CNTLN: variants seen among roughly 807,000 people sequenced by gnomAD.
CNTLN encodes centlein, centrosomal protein.
Under a neutral mutation model 180.0 loss-of-function variants are expected in CNTLN, and 212 were observed. That is an observed-to-expected ratio of 1.18 (90% CI 1.05 to 1.32). The LOEUF (loss-of-function observed/expected upper bound fraction) is 1.32, where lower values mean the gene tolerates loss of function less well. Among genes scored for constraint, CNTLN ranks in the 40% most tolerant of loss-of-function variants. The probability of loss-of-function intolerance (pLI) is 0.00; values close to 1 mark genes in which losing one functional copy is unlikely to be tolerated. For synonymous variants in CNTLN, 722 were observed against 563.1 expected (o/e 1.28, Z -3.99); for missense variants, 2,095 against 1,610.9 (o/e 1.30, Z -5.14).
At chr9:17,493,495 T>A (rs548627546) in intron 25 of CNTLN, among the ~76,000 whole-genome samples, 1 of 152,300 alleles carries the variant, frequency 6.6e-6, no homozygotes, top group African/African-American at 2.4e-5. Flanking sequence ...CAGTAAATTG[T>A]GCCCTAAAAA....
intron 7 of CNTLN, chr9:17,298,902 G>T: frequency 1.0e-6 from 1 of 985,190 alleles, no homozygotes; most frequent in Non-Finnish European, 1.2e-6. Flanking sequence ...AAGTATTTAG[G>T]TGTGCTAACT....
chr9:17,506,624 C>G (rs1429014035), downstream of CNTLN, among the ~76,000 whole-genome samples: 1 of 152,010 alleles, frequency 6.6e-6, no homozygotes, highest in Non-Finnish European at 1.5e-5. Context: ...AGGATTCTTC[C>G]CAGTAGCAAA....
chr9:17,210,877 C>T (rs1350034715), intron 2 of CNTLN, among the ~76,000 whole-genome samples: 1 of 152,050 alleles, frequency 6.6e-6, no homozygotes, highest in Admixed American at 6.5e-5. Context: ...CTGTTCATAT[C>T]CTTTGCCCAC....
intron 5 of CNTLN, among the ~76,000 whole-genome samples, chr9:17,237,936 GT>G (rs756048034): frequency 6.6e-6 from 1 of 152,062 alleles, no homozygotes; most frequent in Non-Finnish European, 1.5e-5. Flanking sequence ...TTTTATATCA[GT>G]TTCTGCTTCT....
At chr9:17,163,844 A>G (rs1819856755) in intron 2 of CNTLN, among the ~76,000 whole-genome samples, 1 of 151,958 alleles carries the variant, frequency 6.6e-6, no homozygotes. Flanking sequence ...CCTGGCCAAC[A>G]CAGTGAAACC....
intron 2 of CNTLN, among the ~76,000 whole-genome samples, chr9:17,150,309 T>C (rs1213653926): frequency 6.6e-6 from 1 of 152,208 alleles, no homozygotes; most frequent in African/African-American, 2.4e-5. Flanking sequence ...CTTTGATCCA[T>C]CTTGAGTTTA....
At chr9:17,162,904 T>G (rs16935382) in intron 2 of CNTLN, among the ~76,000 whole-genome samples, 2,892 of 152,296 alleles carry the variant, frequency 0.019, 59 homozygotes, top group African/African-American at 0.05. Context: ...AACTGTATTT[T>G]TAGGCAGACT....
At chr9:17,412,882 C>G (rs1039810517) in intron 16 of CNTLN, among the ~76,000 whole-genome samples, 2 of 151,896 alleles carry the variant, frequency 1.3e-5, no homozygotes, top group Non-Finnish European at 2.9e-5. Context: ...CAAAATAGAC[C>G]TAAAACAAAA....
At chr9:17,465,792 T>C (rs1831711786) in intron 21 of CNTLN, among the ~76,000 whole-genome samples, 189 bp from the exon 22 acceptor site, 1 of 151,306 alleles carries the variant, frequency 6.6e-6, no homozygotes, top group African/African-American at 2.4e-5. Context: ...TTAGTTTTTG[T>C]TACTGATTTA....
At chr9:17,501,906 C>T (rs7041729) in intron 25 of CNTLN, among the ~76,000 whole-genome samples, 6,128 of 152,198 alleles carry the variant, frequency 0.04, 383 homozygotes, top group African/African-American at 0.14. Context: ...CTACAGGCAA[C>T]TCAGTGAAGC....
At chr9:17,138,409 AG>A (rs1416883116) in intron 1 of CNTLN, among the ~76,000 whole-genome samples, 1 of 152,208 alleles carries the variant, frequency 6.6e-6, no homozygotes, top group African/African-American at 2.4e-5. Context: ...TCATCATTAA[AG>A]CTCATCCACT....
intron 5 of CNTLN, among the ~76,000 whole-genome samples, chr9:17,239,726 C>A (rs1172437684): frequency 6.6e-6 from 1 of 152,130 alleles, no homozygotes; most frequent in Non-Finnish European, 1.5e-5. Flanking sequence ...GAAGAAAATT[C>A]TTTTTTCCCC....
In CNTLN at chr9:17,250,286, A is replaced by G. The variant is rs187758929; in HGVS notation, c.849+13698A>G. On this transcript the variant is annotated intron_variant, in intron 5 of 25. Transcript: ENST00000380647. ...AAAGTGAGTCTTTTGTAGATAACAT[A>G]TTGTTGTAGAATGTTTTCTTTATGT... Among the ~76,000 whole-genome samples the G allele has an allele frequency of 3.3e-3, 496 of 152,050 alleles. 4 individuals carry two copies. The highest frequency in any genetic ancestry group is 0.011 in the African/African-American group (470 of 41,532).
chr9:17,272,405 A>C (rs1001064071), intron 5 of CNTLN, among the ~76,000 whole-genome samples: 7 of 151,854 alleles, frequency 4.6e-5, no homozygotes, highest in African/African-American at 1.7e-4. Flanking sequence ...TGTTCACTTC[A>C]TTGACTCTGT....
intron 2 of CNTLN, among the ~76,000 whole-genome samples, chr9:17,181,519 C>G (rs1821123978): frequency 6.6e-6 from 1 of 152,176 alleles, no homozygotes; most frequent in African/African-American, 2.4e-5. Flanking sequence ...TCTCTGTCAT[C>G]TTGGTGTTGG....
intron 5 of CNTLN, among the ~76,000 whole-genome samples, chr9:17,260,086 C>T (rs1327472007): frequency 1.4e-5 from 2 of 145,522 alleles, no homozygotes; most frequent in African/African-American, 2.7e-5. Flanking sequence ...AATTTTGGAT[C>T]TTTCCTGCTT....
chr9:17,334,933 A>AT (rs1820901245), intron 10 of CNTLN, among the ~76,000 whole-genome samples: 1 of 145,646 alleles, frequency 6.9e-6, no homozygotes, highest in Non-Finnish European at 1.5e-5. Context: ...AAAAAAAAAG[A>AT]TTTTCAATTG....
At chr9:17,487,445 T>G (rs770875610) in intron 25 of CNTLN, among the ~76,000 whole-genome samples, 2 of 152,146 alleles carry the variant, frequency 1.3e-5, no homozygotes, top group African/African-American at 2.4e-5. Context: ...TTCAGTGACC[T>G]TTTACTATGG....
chr9:17,256,270 C>T (rs1206574695), intron 5 of CNTLN, among the ~76,000 whole-genome samples: 2 of 151,748 alleles, frequency 1.3e-5, no homozygotes, highest in Non-Finnish European at 2.9e-5. Flanking sequence ...CTGAGTAATC[C>T]CAGTAATGGG....
Sources: allele counts gnomAD v4.1 joint callset (sites outside exome capture counted in the v4.1 genomes callset), GRCh38; gene constraint gnomAD v4.1.1; transcripts MANE v1.5; gene names NCBI Gene and HGNC (gene_info 2026-07-23, HGNC 2026-07-21).